Variants in PLEKHM3 observed in about 807,000 individuals in gnomAD.
PLEKHM3 encodes pleckstrin homology domain containing M3.
In PLEKHM3, 45 loss-of-function variants were observed where a neutral mutation model predicts 81.8. That is an observed-to-expected ratio of 0.55 (90% CI 0.43 to 0.71). PLEKHM3 has a LOEUF of 0.71. Ranked by LOEUF, PLEKHM3 falls within the 30% of genes least tolerant of loss-of-function variation. PLEKHM3 has a pLI of 0.00. For missense variants in PLEKHM3, 788 were observed against 924.3 expected (o/e 0.85, Z 1.91); for synonymous variants, 352 against 356.4 (o/e 0.99, Z 0.14).
chr2:207,828,301 C>G lies in PLEKHM3; in HGVS notation c.*18G>C. On this transcript the variant is annotated 3_prime_UTR_variant, in exon 8 of 8. Coordinates refer to ENST00000427836, the MANE Select transcript of PLEKHM3 (RefSeq NM_001080475.3). ...GGATTGTTGATTGGTGAATCCCTGG[C>G]CTTCGGGTCGGCTGGAGTCAGGTGT... is the stretch of plus-strand genomic sequence containing the variant. The G allele has an allele frequency of 6.3e-7, 1 of 1,599,526 alleles. No individual in the cohort carries two copies. Among genetic ancestry groups the G allele is most frequent in the Non-Finnish European group, 8.5e-7 (1 of 1,171,568 alleles).
chr2:207,865,801 A>AAAAAAAAAAAAAAATATATAT lies in PLEKHM3; in HGVS notation c.1951-4540_1951-4539insATATATATTTTTTTTTTTTTT. On this transcript the variant is annotated intron_variant, in intron 6 of 7. Transcript: ENST00000427836. ...CGACTCAAAAAAAAAAAAAAAAAAAAAGATATATATATATATATATATATA... is the reference window on the plus strand; with the variant it reads ...CGACTCAAAAAAAAAAAAAAAAAAAAAAAAAAAAAAAAAATATATATAGATATATATATATATATATATATA... Among the ~76,000 whole-genome samples, 4 of 25,290 alleles carry AAAAAAAAAAAAAAATATATAT rather than the reference A, an allele frequency of 1.6e-4. 1 individual carries two copies. The highest frequency in any genetic ancestry group is 3.0e-4 in the Non-Finnish European group (4 of 13,198). The allele number at this position is 25,290 out of a possible 152,430, so 16.6% of individuals were successfully genotyped here.
intron 6 of PLEKHM3, among the ~76,000 whole-genome samples, chr2:207,899,610 A>C (rs1402188703): frequency 6.6e-6 from 1 of 152,206 alleles, no homozygotes; most frequent in Non-Finnish European, 1.5e-5. Context: ...GGAAAGATTT[A>C]AAACTCAATT....
rs1235182006 is a variant in PLEKHM3 at position 208,001,618 on chromosome 2, C to T, written c.22G>A (p.Asp8Asn). The T allele has an allele frequency of 6.2e-7, 1 of 1,613,696 alleles. No individual in the cohort carries two copies. Among genetic ancestry groups the T allele is most frequent in the Non-Finnish European group, 8.5e-7 (1 of 1,179,888 alleles). ...GTAACTTCTAAGGCTGGGCTGATATCATCCACTTCCAAAGCTTCCATGTCA... is the reference window on the plus strand; with the variant it reads ...GTAACTTCTAAGGCTGGGCTGATATTATCCACTTCCAAAGCTTCCATGTCA... MEALEVD[D>N]ISPALEVTEE... Residue 8 changes from aspartate (D) to asparagine (N), a missense_variant, in exon 2 of 8, where the codon GAT becomes AAT. Asp to Asn is a conservative substitution (Grantham distance 23, BLOSUM62 1). Coordinates refer to ENST00000427836, the MANE Select transcript of PLEKHM3 (RefSeq NM_001080475.3).
chr2:207,962,925 A>T (rs866523285), intron 3 of PLEKHM3, among the ~76,000 whole-genome samples: 3 of 25,416 alleles, frequency 1.2e-4, no homozygotes, highest in Non-Finnish European at 1.3e-4. Flanking sequence ...GTCAAAAATT[A>T]AAAAAAAAAA....
At chr2:207,922,450 C>T (rs188857201) in intron 5 of PLEKHM3, among the ~76,000 whole-genome samples, 120 of 152,264 alleles carry the variant, frequency 7.9e-4, no homozygotes, top group Non-Finnish European at 1.5e-3. Flanking sequence ...GTTTTGAGGA[C>T]AATCATGGCC....
chr2:207,859,823 C>T (rs2092457507), intron 7 of PLEKHM3, among the ~76,000 whole-genome samples: 1 of 151,968 alleles, frequency 6.6e-6, no homozygotes, highest in Non-Finnish European at 1.5e-5. Context: ...GTCTTGAACC[C>T]CTGACCTCAG....
chr2:207,921,009 G>A (rs571771693), intron 5 of PLEKHM3, among the ~76,000 whole-genome samples: 1 of 151,918 alleles, frequency 6.6e-6, no homozygotes, highest in Non-Finnish European at 1.5e-5. Flanking sequence ...TAGCATCTTA[G>A]AGTCATAGTT....
intron 2 of PLEKHM3, among the ~76,000 whole-genome samples, chr2:208,000,687 T>C (rs1692267889): frequency 2.0e-5 from 3 of 152,184 alleles, no homozygotes; most frequent in Admixed American, 2.0e-4. Flanking sequence ...TATCATACAA[T>C]GTGCACAGAA....
intron 6 of PLEKHM3, among the ~76,000 whole-genome samples, chr2:207,877,718 C>T (rs1043115223): frequency 2.0e-5 from 3 of 152,118 alleles, no homozygotes; most frequent in Non-Finnish European, 4.4e-5. Context: ...AAATATATTA[C>T]TCAATGAATT....
chr2:207,836,926 A>T (rs1413886231), intron 7 of PLEKHM3, among the ~76,000 whole-genome samples: 1 of 152,224 alleles, frequency 6.6e-6, no homozygotes. Flanking sequence ...CACTCTGCAG[A>T]GCCCACAACG....
At chr2:207,985,680 CT>C (rs1424549425) in intron 2 of PLEKHM3, among the ~76,000 whole-genome samples, 3 of 151,874 alleles carry the variant, frequency 2.0e-5, no homozygotes, top group Non-Finnish European at 4.4e-5. Context: ...AAAATTTTGC[CT>C]TTTTAAAAAA....
At position 207,842,709 on chromosome 2, in the gene PLEKHM3, G is replaced by A. The variant is rs371735133; in HGVS notation, c.2109-14213C>T. On this transcript the variant is annotated intron_variant, in intron 7 of 7. Coordinates refer to ENST00000427836, the MANE Select transcript of PLEKHM3 (RefSeq NM_001080475.3). The stretch of plus-strand genomic sequence containing the variant: ...GTATTGGTAAATGTTGGATGGAACC[G>A]ATAGTCACAATAATAAGAATAGTTC... 1.1e-3 allele frequency among the ~76,000 whole-genome samples: 160 copies of A among 152,276 alleles called. 1 individual carries two copies. Among genetic ancestry groups the A allele is most frequent in the African/African-American group, 3.8e-3 (156 of 41,556 alleles).
At chr2:207,878,931 T>C (rs1169192909) in intron 6 of PLEKHM3, among the ~76,000 whole-genome samples, 1 of 152,188 alleles carries the variant, frequency 6.6e-6, no homozygotes. Flanking sequence ...CTATAAAGTC[T>C]TCCCTAAGCT....
chr2:208,016,668 A>AAACACACACACACACACACAC (rs1553568085), intron 1 of PLEKHM3, among the ~76,000 whole-genome samples: 8 of 61,550 alleles, frequency 1.3e-4, no homozygotes, highest in Non-Finnish European at 2.8e-4. Flanking sequence ...AAAAAAAAAA[A>AAACACACACACACACACACAC]ATACACACAC....
intron 5 of PLEKHM3, among the ~76,000 whole-genome samples, chr2:207,921,939 T>G (rs1689195833): frequency 6.6e-6 from 1 of 152,220 alleles, no homozygotes; most frequent in South Asian, 2.1e-4. Context: ...GGGATCTCCA[T>G]AAATAAGGGG....
At position 207,841,236 on chromosome 2, in the gene PLEKHM3, G is replaced by A. The variant is rs548902186; in HGVS notation, c.2109-12740C>T. Among the ~76,000 whole-genome samples, 3 of 151,054 alleles carry A rather than the reference G, an allele frequency of 2.0e-5. No homozygotes were observed. In the East Asian group the frequency reaches 5.9e-4, roughly 30 times the overall value. ...AATCCCAGCCCTTTGGGAGGCCGAG[G>A]TGGGCAGATCACGAGGTCAGGGGTT... On this transcript the variant is annotated intron_variant, in intron 7 of 7. Transcript: ENST00000427836.
At position 207,977,604 on chromosome 2, in the gene PLEKHM3, G is replaced by A. The variant is rs1350257516; in HGVS notation, c.611-18C>T. 1.3e-6 allele frequency: 2 copies of A among 1,571,596 alleles called. No homozygotes were observed. The highest frequency in any genetic ancestry group is 1.8e-5 in the Admixed American group (1 of 54,496). The stretch of plus-strand genomic sequence containing the variant: ...CTTGTGTTCTAGAAAGGAAAAGAGA[G>A]GCAAAGTATTGATTAGAATTAGTTA... On this transcript the variant is annotated intron_variant, in intron 2 of 7. Coordinates refer to ENST00000427836, the MANE Select transcript of PLEKHM3 (RefSeq NM_001080475.3).
intron 6 of PLEKHM3, among the ~76,000 whole-genome samples, chr2:207,888,881 T>C (rs532087329): frequency 6.6e-6 from 1 of 152,310 alleles, no homozygotes; most frequent in Admixed American, 6.5e-5. Context: ...CTATAAACTC[T>C]TTTTCCCTGT....
chr2:207,923,905 A>ATATATATATATTTT (rs1396762429), intron 5 of PLEKHM3, among the ~76,000 whole-genome samples: 22 of 28,332 alleles, frequency 7.8e-4, no homozygotes, highest in Non-Finnish European at 1.2e-3. Flanking sequence ...ATATATATAT[A>ATATATATATATTTT]TTTTTTTTTT....
Sources: allele counts gnomAD v4.1 joint callset (sites outside exome capture counted in the v4.1 genomes callset), GRCh38; gene constraint gnomAD v4.1.1; transcripts MANE v1.5; gene names NCBI Gene and HGNC (gene_info 2026-07-23, HGNC 2026-07-21).